Variants in PARVB observed in about 807,000 individuals in gnomAD.
PARVB encodes the protein beta-parvin.
Under a neutral mutation model 47.0 loss-of-function variants are expected in PARVB, and 46 were observed. The observed-to-expected ratio is 0.98, with a 90% CI of 0.77 to 1.25. The LOEUF (loss-of-function observed/expected upper bound fraction) is 1.25, where lower values mean the gene tolerates loss of function less well. PARVB is among the 50% of genes most tolerant of loss of function. The pLI, the probability that PARVB is intolerant of heterozygous loss-of-function variation, is 0.00. For missense variants in PARVB, 473 were observed against 471.6 expected, an observed-to-expected ratio of 1.00 and a Z score of -0.03; for synonymous variants, 196 against 196.3, an observed-to-expected ratio of 1.00 and a Z score of 0.01.
At chr22:44,131,724 A>T in intron 5 of PARVB, 97 bp downstream of exon 5, 1 of 1,350,306 alleles carries the variant, frequency 7.4e-7, no homozygotes. Context: ...TCATCATCCC[A>T]TCTGGCCTTG....
chr22:44,132,762 G>A, intron 5 of PARVB, 132 bp from the exon 6 acceptor site: 1 of 602,298 alleles, frequency 1.7e-6, no homozygotes, highest in Non-Finnish European at 3.0e-6. Context: ...CTCTTGATTT[G>A]TCCACACTTC....
intron 1 of PARVB, among the ~76,000 whole-genome samples, chr22:44,062,750 G>A (rs545583271): frequency 2.8e-4 from 43 of 152,204 alleles, no homozygotes; most frequent in Non-Finnish European, 1.2e-4. Flanking sequence ...CACAGGGTGA[G>A]GCCTGGGAGG....
intron 3 of PARVB, chr22:44,110,899 C>T (rs1459068616): frequency 2.6e-5 from 4 of 152,152 alleles, no homozygotes; most frequent in African/African-American, 9.7e-5. Context: ...TGCGCCCGGC[C>T]TATATATGCA....
At chr22:44,080,052 C>G (rs1213105317) in intron 1 of PARVB, among the ~76,000 whole-genome samples, 2 of 152,232 alleles carry the variant, frequency 1.3e-5, no homozygotes, top group African/African-American at 4.8e-5. Flanking sequence ...TGGTCAGATG[C>G]GTCCTCTGTG....
chr22:44,108,622 A>G (rs2052620363), intron 3 of PARVB: 1 of 152,020 alleles, frequency 6.6e-6, no homozygotes, highest in East Asian at 1.9e-4. Context: ...TTGGGAAGGT[A>G]ATGGAAAATT....
chr22:44,019,129 C>T (rs750473236), intron 2 of PARVB, among the ~76,000 whole-genome samples: 1 of 152,130 alleles, frequency 6.6e-6, no homozygotes, highest in African/African-American at 2.4e-5. Flanking sequence ...GTTGGCCAGG[C>T]TGGTCTCGAA....
intron 1 of PARVB, among the ~76,000 whole-genome samples, chr22:44,030,771 G>A (rs1336015770): frequency 2.0e-5 from 3 of 152,132 alleles, no homozygotes; most frequent in African/African-American, 7.2e-5. Context: ...GAAAGGATTT[G>A]CAAGGAGTGT....
At chr22:44,057,785 G>A (rs2051342443) in intron 1 of PARVB, among the ~76,000 whole-genome samples, 1 of 152,082 alleles carries the variant, frequency 6.6e-6, no homozygotes, top group Non-Finnish European at 1.5e-5. Flanking sequence ...GAGGGGGCTG[G>A]AGCCCCAGTC....
chr22:43,999,849 A>AAAAC (rs2050395988), intron 2 of PARVB, among the ~76,000 whole-genome samples: 1 of 145,778 alleles, frequency 6.9e-6, no homozygotes, highest in Non-Finnish European at 1.5e-5. Context: ...AAAAAAAAAA[A>AAAAC]AAAAAAAAAC....
chr22:44,067,937 C>T (rs930248462), intron 1 of PARVB, among the ~76,000 whole-genome samples: 8 of 152,112 alleles, frequency 5.3e-5, no homozygotes, highest in African/African-American at 1.9e-4. Flanking sequence ...GGGTGACCGG[C>T]GGGTGAGCCC....
chr22:44,107,569 C>G (rs531646426), intron 3 of PARVB: 55 of 152,252 alleles, frequency 3.6e-4, no homozygotes, highest in African/African-American at 1.1e-3. Flanking sequence ...GGGGCTGGCC[C>G]CAGAGTAACC....
chr22:44,033,159 G>T (rs2050854928), intron 1 of PARVB, among the ~76,000 whole-genome samples: 1 of 152,094 alleles, frequency 6.6e-6, no homozygotes, highest in Non-Finnish European at 1.5e-5. Flanking sequence ...CATGATCTCG[G>T]CTCACTGCAG....
chr22:44,131,514 T>C lies in PARVB; in HGVS notation c.404T>C (p.Val135Ala), dbSNP rs1334195750. The C allele has an allele frequency of 1.9e-6, 3 of 1,614,088 alleles. No homozygotes were observed. In the South Asian group the frequency reaches 3.3e-5, roughly 18 times the overall value. The change falls in exon 5 of 13, where the codon GTG becomes GCG. Residue 135 changes from valine (V) to alanine (A), a missense_variant. Physicochemically the swap from Val to Ala is moderately conservative, Grantham distance 64 (BLOSUM62 0). Coordinates refer to ENST00000338758, the MANE Select transcript of PARVB (RefSeq NM_013327.5). ...AAACTGGCAGGGTGCAAGCTGAATG[T>C]GGCTGAGGTGACACAGTCCGAAATA... Reference protein sequence around the residue: ...LEKLAGCKLNVAEVTQSEIGQ... With the variant: ...LEKLAGCKLNAAEVTQSEIGQ...
chr22:44,025,250 C>T lies in PARVB; in HGVS notation c.112+799C>T, dbSNP rs143730504. Among the ~76,000 whole-genome samples the T allele has an allele frequency of 1.8e-3, 277 of 152,152 alleles. 1 individual carries two copies. The highest frequency in any genetic ancestry group is 6.3e-3 in the African/African-American group (261 of 41,488). Reference sequence around the variant, plus strand: ...CTCAGGTGGGTCCCCGGGAAGGAGCCCTCCCATAGCGGGTATGCAGTACGG... The same window carrying T: ...CTCAGGTGGGTCCCCGGGAAGGAGCTCTCCCATAGCGGGTATGCAGTACGG... On this transcript the variant is annotated intron_variant, in intron 1 of 12. Transcript: ENST00000338758.
intron 6 of PARVB, among the ~76,000 whole-genome samples, chr22:44,135,581 C>T (rs755051637): frequency 1.6e-4 from 25 of 152,294 alleles, no homozygotes; most frequent in Admixed American, 5.9e-4. Context: ...ATACCTGCCA[C>T]GCTCTGGGAG....
At chr22:44,106,138 GTTTTTTTTTTTTTTT>G (rs959620356) in intron 3 of PARVB, 6 of 69,320 alleles carry the variant, frequency 8.7e-5, no homozygotes, top group African/African-American at 3.4e-4. Flanking sequence ...AGCCAGATGT[GTTTTTTTTTTTTTTT>G]TTTTTTTTTT....
intron 1 of PARVB, among the ~76,000 whole-genome samples, chr22:44,027,944 T>TTC (rs2050759307): frequency 2.0e-5 from 3 of 147,950 alleles, no homozygotes; most frequent in African/African-American, 7.4e-5. Context: ...TATATATTCA[T>TTC]GTGTGTGTAT....
intron 1 of PARVB, among the ~76,000 whole-genome samples, chr22:44,029,527 G>T (rs1482443776): frequency 6.6e-6 from 1 of 152,164 alleles, no homozygotes; most frequent in African/African-American, 2.4e-5. Flanking sequence ...CATAATCCCA[G>T]CACTTTGGGA....
chr22:44,108,941 A>C (rs2052627165), intron 3 of PARVB: 1 of 152,180 alleles, frequency 6.6e-6, no homozygotes, highest in Non-Finnish European at 1.5e-5. Context: ...CAGAAAAAAA[A>C]CACAGAAAAC....
Sources: gnomAD v4.1 joint callset for allele counts (sites outside exome capture counted in the v4.1 genomes callset) on GRCh38, gnomAD v4.1.1 for gene constraint, MANE v1.5 for transcripts, NCBI Gene and HGNC (gene_info 2026-07-23, HGNC 2026-07-21) for gene names.